The following IP6K3 variants were observed in gnomAD, a reference collection of about 807,000 sequenced individuals.
IP6K3 encodes the protein inositol hexakisphosphate kinase 3.
IP6K3 carries 20 observed loss-of-function variants against 28.8 expected under a neutral mutation model. The ratio of observed to expected loss-of-function variants is 0.70; its 90% CI spans 0.49 to 1.01. IP6K3 has a LOEUF of 1.01. IP6K3 is among the 50% of genes least tolerant of loss of function. IP6K3 has a pLI of 0.00. For synonymous variants in IP6K3, 213 were observed against 221.3 expected, an observed-to-expected ratio of 0.96 and a Z score of 0.33; for missense variants, 480 against 537.1, an observed-to-expected ratio of 0.89 and a Z score of 1.05.
chr6:33,729,715 T>C (rs901465422), intron 2 of IP6K3, among the ~76,000 whole-genome samples: 1 of 151,986 alleles, frequency 6.6e-6, no homozygotes, highest in Non-Finnish European at 1.5e-5. Flanking sequence ...TTTCTTTCTT[T>C]CTTTCTTTTT....
chr6:33,735,146 G>T (rs1007975841), intron 2 of IP6K3, 132 bp downstream of exon 2: 4 of 691,650 alleles, frequency 5.8e-6, no homozygotes, highest in African/African-American at 3.6e-5. Flanking sequence ...GGCCAGCCCC[G>T]CTGGGAGAGG....
chr6:33,751,911 C>T, the IP6K3 span, among the ~76,000 whole-genome samples: 1 of 152,232 alleles, frequency 6.6e-6, no homozygotes, highest in African/African-American at 2.4e-5. This position sits in a 1 kb window ranked among gnomAD's most constrained non-coding sequence, Gnocchi z 4.3. Flanking sequence ...ATGACTGCCC[C>T]TGCATGTGGA....
Position 33,735,346 on chromosome 6 carries a change from A to T in IP6K3, c.131T>A (p.Val44Asp). ...YDEHTVCKPL[V>D]SREQRFYESL... ...TTCATAGAACCTCTGCTCCCGGGAGACGAGGGGCTTGCACACCGTATGCTC... is the reference window on the plus strand; with the variant it reads ...TTCATAGAACCTCTGCTCCCGGGAGTCGAGGGGCTTGCACACCGTATGCTC... Residue 44 changes from valine to aspartate, a missense_variant, in exon 2 of 6, where the codon GTC becomes GAC. Transcript: ENST00000293756. 2 of 1,607,536 alleles carry T rather than the reference A, an allele frequency of 1.2e-6. No individual in the cohort carries two copies. Among genetic ancestry groups the T allele is most frequent in the East Asian group, 4.5e-5 (2 of 44,778 alleles).
chr6:33,727,579 A>G (rs933768017), intron 3 of IP6K3, among the ~76,000 whole-genome samples: 3 of 152,172 alleles, frequency 2.0e-5, no homozygotes, highest in African/African-American at 7.2e-5. Context: ...GTCAGCTGAC[A>G]TTGTCAAAGG....
Position 33,744,215 on chromosome 6 carries a change from G to A in IP6K3, c.-180+2543C>T, listed in dbSNP as rs1456112738. On this transcript the variant is annotated intron_variant, in intron 1 of 5. Transcript: ENST00000293756. This position sits in a 1 kb window ranked among gnomAD's most constrained non-coding sequence, Gnocchi z 4.4. The stretch of plus-strand genomic sequence containing the variant: ...GCCATGCTTTTCTCCTCCGGACTTT[G>A]CCTCTTGAAGCTGCACCCAGGATTT... Among the ~76,000 whole-genome samples the A allele has an allele frequency of 6.6e-6, 1 of 152,140 alleles. No homozygotes were observed. The highest frequency in any genetic ancestry group is 1.5e-5 in the Non-Finnish European group (1 of 68,032).
chr6:33,729,427 C>A (rs913348419), intron 2 of IP6K3, among the ~76,000 whole-genome samples: 1 of 152,214 alleles, frequency 6.6e-6, no homozygotes, highest in East Asian at 1.9e-4. Flanking sequence ...GAAGGAGTGA[C>A]CTGATGGAGT....
Position 33,746,608 on chromosome 6 carries a change from C to A in IP6K3, c.-180+150G>T, listed in dbSNP as rs1766920318. 6.6e-6 allele frequency: 1 copy of A among 152,382 alleles called. No homozygotes were observed. Among genetic ancestry groups the A allele is most frequent in the South Asian group, 2.1e-4 (1 of 4,828 alleles). The allele number at this position is 152,382 out of a possible 1,614,324, so 9.4% of individuals were successfully genotyped here. ...CAGACCTCCACGAAGACGCTGGCAC[C>A]TCCGTGGGGCAGACTCCTGGCCAGC... On this transcript the variant is annotated intron_variant, in intron 1 of 5. Transcript: ENST00000293756. This position sits in a 1 kb window ranked among gnomAD's most constrained non-coding sequence, Gnocchi z 6.5.
chr6:33,722,612 A>G lies in IP6K3; in HGVS notation c.*108T>C, dbSNP rs1439265223. 5 of 719,742 alleles carry G rather than the reference A, an allele frequency of 6.9e-6. No individual in the cohort carries two copies. The Admixed American group carries it at 7.6e-5, about 11-fold the overall frequency. The allele number at this position is 719,742 out of a possible 1,614,324, so 44.6% of individuals were successfully genotyped here. A position where few individuals can be genotyped will look rare whatever the true frequency, so the allele number is the denominator to read the frequency against. ...ATATAGAGATGGTTTTTGAAGGTAG[A>G]TAGGACTATTATGAAGACATCTAAG... On this transcript the variant is annotated 3_prime_UTR_variant, in exon 6 of 6. Transcript: ENST00000293756.
chr6:33,722,611 G>T lies in IP6K3; in HGVS notation c.*109C>A. On this transcript the variant is annotated 3_prime_UTR_variant, in exon 6 of 6. Coordinates refer to ENST00000293756, the MANE Select transcript of IP6K3 (RefSeq NM_054111.5). ...TATATAGAGATGGTTTTTGAAGGTA[G>T]ATAGGACTATTATGAAGACATCTAA... is the stretch of plus-strand genomic sequence containing the variant. 1 of 718,478 alleles carries T rather than the reference G, an allele frequency of 1.4e-6. No individual in the cohort carries two copies. Among genetic ancestry groups the T allele is most frequent in the South Asian group, 1.8e-5 (1 of 55,628 alleles). 44.5% of individuals were successfully genotyped at this position (718,478 alleles called of 1,614,324 possible). A position where few individuals can be genotyped will look rare whatever the true frequency, so the allele number is the denominator to read the frequency against.
At chr6:33,750,805 G>A (rs56155944), upstream of IP6K3, among the ~76,000 whole-genome samples, 8,944 of 152,138 alleles carry the variant, frequency 0.059, 333 homozygotes, top group Non-Finnish European at 0.08. This position sits in a 1 kb window ranked among gnomAD's most constrained non-coding sequence, Gnocchi z 4.3. Context: ...CCTTTGGCTC[G>A]GTTGCTGTGG....
intron 3 of IP6K3, among the ~76,000 whole-genome samples, chr6:33,727,252 A>G (rs760494557): frequency 6.6e-5 from 10 of 152,190 alleles, no homozygotes; most frequent in Non-Finnish European, 1.3e-4. Flanking sequence ...CCCTATCCGG[A>G]ATCACAAGCC....
rs138098407 is a variant in IP6K3 at position 33,723,124 on chromosome 6, C to G, written c.829G>C (p.Val277Leu). The G allele has an allele frequency of 1.2e-6, 2 of 1,613,920 alleles. No individual in the cohort carries two copies. The highest frequency in any genetic ancestry group is 2.2e-5 in the South Asian group (2 of 91,040). Residue 277 changes from valine to leucine, a missense_variant, in exon 6 of 6, where the codon GTG becomes CTG. By Grantham distance (32) the Val-to-Leu change is conservative. Transcript: ENST00000293756. The part of the protein sequence containing the change: ...KDKYYGRKLS[V>L]EGFRQALYQF... ...TAGAGGGCTTGTCTGAACCCCTCCA[C>G]TGAGAGTTTTCTTCCATAGTACTTG...
the IP6K3 span, among the ~76,000 whole-genome samples, chr6:33,752,805 G>C: frequency 1.3e-5 from 2 of 152,108 alleles, no homozygotes; most frequent in East Asian, 3.8e-4. Flanking sequence ...AACCTCACTG[G>C]GCCTCAGTTT....
chr6:33,735,493 G>C lies in IP6K3; in HGVS notation c.-17C>G. On this transcript the variant is annotated 5_prime_UTR_variant, in exon 2 of 6. Transcript: ENST00000293756. ...CACAACCATGGCGGCAGATGGTGGT[G>C]GTGGGGGGTCCCTGCACAGTCTGCT... is the stretch of plus-strand genomic sequence containing the variant. 6.2e-7 allele frequency: 1 copy of C among 1,604,368 alleles called. No homozygotes were observed. The highest frequency in any genetic ancestry group is 1.3e-5 in the African/African-American group (1 of 75,020).
upstream of IP6K3, among the ~76,000 whole-genome samples, chr6:33,749,647 T>TGC (rs1554146591): frequency 1.7e-4 from 25 of 150,662 alleles, no homozygotes; most frequent in South Asian, 6.3e-4. Context: ...TGTGTGTGTG[T>TGC]GCGCGCGGCC....
the IP6K3 span, among the ~76,000 whole-genome samples, chr6:33,752,371 C>CT: frequency 1.3e-5 from 2 of 152,224 alleles, no homozygotes; most frequent in Non-Finnish European, 2.9e-5. Context: ...AGAGAACAGG[C>CT]TGCCACCTGC....
In IP6K3 at chr6:33,742,708, C is replaced by T. The variant is rs774294799; in HGVS notation, c.-180+4050G>A. Reference sequence around the variant, plus strand: ...TTATTGAATTCCTAGTAGTTTTTGTCATCGTCTATTTTTCTCAATCAACAG... The same window carrying T: ...TTATTGAATTCCTAGTAGTTTTTGTTATCGTCTATTTTTCTCAATCAACAG... On this transcript the variant is annotated intron_variant, in intron 1 of 5. Transcript: ENST00000293756. The surrounding 1 kb of genome is among the most constrained non-coding windows in gnomAD (Gnocchi z 4.5). 5.9e-5 allele frequency among the ~76,000 whole-genome samples: 9 copies of T among 152,156 alleles called. No individual in the cohort carries two copies. Among genetic ancestry groups the T allele is most frequent in the Non-Finnish European group, 1.0e-4 (7 of 68,034 alleles).
chr6:33,753,847 C>T, the IP6K3 span, among the ~76,000 whole-genome samples: 2 of 151,932 alleles, frequency 1.3e-5, no homozygotes, highest in African/African-American at 4.8e-5. Flanking sequence ...CTCGCTGTGT[C>T]GTGCAGGCTG....
the IP6K3 span, among the ~76,000 whole-genome samples, chr6:33,755,685 TC>T: frequency 1.3e-5 from 2 of 151,508 alleles, no homozygotes; most frequent in African/African-American, 4.9e-5. Context: ...CCACTGGGGG[TC>T]CCCCCCGCTG....
Sources: allele counts gnomAD v4.1 joint callset (sites outside exome capture counted in the v4.1 genomes callset), GRCh38; gene constraint gnomAD v4.1.1; non-coding constraint Gnocchi (gnomAD v3.1); transcripts MANE v1.5; gene names NCBI Gene and HGNC (gene_info 2026-07-23, HGNC 2026-07-21).